PYHIN1: variants seen among roughly 807,000 people sequenced by gnomAD.
PYHIN1 encodes pyrin and HIN domain-containing protein 1.
Under a neutral mutation model 43.7 loss-of-function variants are expected in PYHIN1, and 32 were observed. The ratio of observed to expected loss-of-function variants is 0.73; its 90% CI spans 0.55 to 0.98. The LOEUF (loss-of-function observed/expected upper bound fraction) is 0.98, where lower values mean the gene tolerates loss of function less well. Among genes scored for constraint, PYHIN1 ranks in the 50% least tolerant of loss-of-function variants. The pLI is 0.00. For missense variants in PYHIN1, 588 were observed against 589.5 expected, an observed-to-expected ratio of 1.00 and a Z score of 0.03; for synonymous variants, 205 against 203.1, an observed-to-expected ratio of 1.01 and a Z score of -0.08.
intron 8 of PYHIN1, among the ~76,000 whole-genome samples, chr1:158,974,290 T>C (rs1052213485): frequency 3.3e-5 from 5 of 152,084 alleles, no homozygotes; most frequent in Non-Finnish European, 5.9e-5. Flanking sequence ...TGCACTGATA[T>C]TCTCCTCCTG....
chr1:158,945,180 G>A, intron 7 of PYHIN1, 138 bp downstream of exon 7: 2 of 819,738 alleles, frequency 2.4e-6, no homozygotes, highest in Non-Finnish European at 3.7e-6. Flanking sequence ...TGTATTTATT[G>A]AATGCATACA....
intron 5 of PYHIN1, among the ~76,000 whole-genome samples, chr1:158,942,797 G>T (rs1648996467): frequency 6.6e-6 from 1 of 152,076 alleles, no homozygotes; most frequent in African/African-American, 2.4e-5. Context: ...ATACAGTATT[G>T]TTCTTTGAGG....
At position 158,943,976 on chromosome 1, in the gene PYHIN1, C is replaced by A; in HGVS notation, c.1189C>A (p.Gln397Lys). 1 of 1,583,236 alleles carries A rather than the reference C, an allele frequency of 6.3e-7. No homozygotes were observed. Residue 397 changes from glutamine (Q) to lysine (K), a missense_variant and splice_region_variant, in exon 6 of 9, where the codon CAG (glutamine) becomes AAG (lysine). Physicochemically the swap from Gln to Lys is moderately conservative, Grantham distance 53. Transcript: ENST00000368140. Reference protein sequence around the residue: ...KLMSEMHSFIQIQKNTNQRSH... With the variant: ...KLMSEMHSFIKIQKNTNQRSH... Reference sequence around the variant, plus strand: ...GATGTCAGAAATGCATAGTTTCATCCAGGTGAGAAATAAAGAAACAAATAT... The same window carrying A: ...GATGTCAGAAATGCATAGTTTCATCAAGGTGAGAAATAAAGAAACAAATAT...
In PYHIN1 at chr1:158,937,163, G is replaced by A; in HGVS notation, c.253G>A (p.Glu85Lys). The A allele has an allele frequency of 6.3e-7, 1 of 1,586,678 alleles. No homozygotes were observed. The highest frequency in any genetic ancestry group is 1.7e-4 in the Middle Eastern group (1 of 5,896). Residue 85 changes from glutamate (E) to lysine (K), a missense_variant, in exon 2 of 9, where the codon GAA becomes AAA. Glu to Lys is a moderately conservative substitution (Grantham distance 56, BLOSUM62 1). Coordinates refer to ENST00000368140, the MANE Select transcript of PYHIN1 (RefSeq NM_152501.5). ...LGDLAETLKR[E>K]KLKVANKIES... Reference sequence around the variant, plus strand: ...AGACCTTGCTGAAACTCTTAAAAGAGAAAAGTTAAAAGGTAATTGGGAAGA... The same window carrying A: ...AGACCTTGCTGAAACTCTTAAAAGAAAAAAGTTAAAAGGTAATTGGGAAGA...
intron 5 of PYHIN1, among the ~76,000 whole-genome samples, chr1:158,942,987 C>A (rs996815947): frequency 6.6e-6 from 1 of 151,990 alleles, no homozygotes; most frequent in Non-Finnish European, 1.5e-5. Context: ...AATCTGTACT[C>A]GTATATTAGA....
rs202141491 is a variant in PYHIN1, at chr1:158,959,907, GGGT to G, written c.1360-13739_1360-13737del. On this transcript the variant is annotated intron_variant, in intron 7 of 8. Coordinates refer to ENST00000368140, the MANE Select transcript of PYHIN1 (RefSeq NM_152501.5). ...GATTACCTTTTCCTCTGACATGATGGGGTACTTACCTGCACTCAGGGTTCAGAA... is the reference window on the plus strand; with the variant it reads ...GATTACCTTTTCCTCTGACATGATGGACTTACCTGCACTCAGGGTTCAGAA... Among the ~76,000 whole-genome samples the G allele has an allele frequency of 9.2e-3, 1,394 of 152,200 alleles. 24 individuals carry two copies. Among genetic ancestry groups the G allele is most frequent in the African/African-American group, 0.032 (1,339 of 41,524 alleles).
At chr1:158,953,424 C>A (rs1328342225) in intron 7 of PYHIN1, among the ~76,000 whole-genome samples, 2 of 150,952 alleles carry the variant, frequency 1.3e-5, no homozygotes, top group Middle Eastern at 3.4e-3. Flanking sequence ...AGACTGCCTC[C>A]TCAAGGGGGT....
chr1:158,983,763 G>A, the PYHIN1 span, among the ~76,000 whole-genome samples: 1 of 152,038 alleles, frequency 6.6e-6, no homozygotes, highest in African/African-American at 2.4e-5. Context: ...GAATCTGTCT[G>A]ATCCATGGCT....
chr1:158,952,773 G>C (rs571587569), intron 7 of PYHIN1, among the ~76,000 whole-genome samples: 2 of 152,242 alleles, frequency 1.3e-5, no homozygotes, highest in East Asian at 3.9e-4. Flanking sequence ...AACAGGAATA[G>C]CTCCCGTATA....
chr1:158,984,015 T>G, the PYHIN1 span, among the ~76,000 whole-genome samples: 1 of 143,346 alleles, frequency 7.0e-6, no homozygotes, highest in African/African-American at 2.5e-5. Flanking sequence ...TGTATTTATT[T>G]GGATCTTCTC....
At chr1:158,936,182 G>T (rs1648529450) in intron 1 of PYHIN1, among the ~76,000 whole-genome samples, 2 of 146,532 alleles carry the variant, frequency 1.4e-5, no homozygotes, top group African/African-American at 5.0e-5. Context: ...TTAGCATTAG[G>T]TATATCACCT....
intron 7 of PYHIN1, among the ~76,000 whole-genome samples, chr1:158,969,761 A>G (rs929046830): frequency 1.3e-5 from 2 of 152,042 alleles, no homozygotes; most frequent in South Asian, 2.1e-4. Context: ...ATAATGGCTT[A>G]GACAAAATGG....
rs758484505 is a variant in PYHIN1, at chr1:158,939,189, G to A, written c.521G>A (p.Gly174Asp). Reference protein sequence around the residue: ...SAGASTSTAMGRSPPPQTSSS... With the variant: ...SAGASTSTAMDRSPPPQTSSS... ...GGAGCCAGCACGTCCACAGCCATGG[G>A]CCGTTCCCCACCTCCCCAGACCTCA... Residue 174 changes from glycine (G) to aspartate (D), a missense_variant, in exon 4 of 9, where the codon GGC becomes GAC. Physicochemically the swap from Gly to Asp is moderately conservative, Grantham distance 94. Coordinates refer to ENST00000368140, the MANE Select transcript of PYHIN1 (RefSeq NM_152501.5). 1.5e-4 allele frequency: 241 copies of A among 1,613,534 alleles called. 1 individual carries two copies. Among genetic ancestry groups the A allele is most frequent in the Non-Finnish European group, 1.9e-4 (227 of 1,179,896 alleles).
chr1:158,950,381 G>A (rs1033672293), intron 7 of PYHIN1, among the ~76,000 whole-genome samples: 1 of 152,140 alleles, frequency 6.6e-6, no homozygotes, highest in Non-Finnish European at 1.5e-5. Context: ...GTCATCCGAG[G>A]AAGCCACATT....
downstream of PYHIN1, among the ~76,000 whole-genome samples, chr1:158,980,905 C>G (rs1278866730): frequency 6.6e-6 from 1 of 152,104 alleles, no homozygotes; most frequent in Non-Finnish European, 1.5e-5. Context: ...AAACCCTTAA[C>G]AAAAACTTGC....
At chr1:158,948,587 GAGA>G (rs1369905673) in intron 7 of PYHIN1, among the ~76,000 whole-genome samples, 1 of 152,192 alleles carries the variant, frequency 6.6e-6, no homozygotes, top group Non-Finnish European at 1.5e-5. Context: ...CTTGCTGTAA[GAGA>G]AGTTTATTAG....
chr1:158,941,952 T>C, intron 4 of PYHIN1, 25 bp from the exon 5 acceptor site: 1 of 1,539,348 alleles, frequency 6.5e-7, no homozygotes, highest in East Asian at 2.3e-5. Flanking sequence ...ATTTCTTTTT[T>C]GTATTCCTTT....
chr1:158,973,478 GA>G (rs1479591354), intron 7 of PYHIN1, among the ~76,000 whole-genome samples, 168 bp from the exon 8 acceptor site: 1 of 149,408 alleles, frequency 6.7e-6, no homozygotes, highest in Non-Finnish European at 1.5e-5. Flanking sequence ...GAGATTAGCA[GA>G]GGGAAGATTC....
chr1:158,988,625 T>C, the PYHIN1 span, among the ~76,000 whole-genome samples: 1 of 152,174 alleles, frequency 6.6e-6, no homozygotes, highest in South Asian at 2.1e-4. Flanking sequence ...TTGGCTGTAT[T>C]GAGTTCTGTT....
Sources: allele counts gnomAD v4.1 joint callset (sites outside exome capture counted in the v4.1 genomes callset), GRCh38; gene constraint gnomAD v4.1.1; transcripts MANE v1.5; gene names NCBI Gene and HGNC (gene_info 2026-07-23, HGNC 2026-07-21).